The following PABIR3 variants were observed in gnomAD, a reference collection of about 807,000 sequenced individuals.
The protein encoded by PABIR3 is PABIR family member 1.
In PABIR3, 20 loss-of-function variants were observed where a neutral mutation model predicts 23.1. That is an observed-to-expected ratio of 0.86 (90% CI 0.61 to 1.26). The LOEUF is 1.26. Among genes scored for constraint, PABIR3 ranks in the 50% most tolerant of loss-of-function variants. The probability of loss-of-function intolerance (pLI) is 0.00; values close to 1 mark genes in which losing one functional copy is unlikely to be tolerated. For missense variants in PABIR3, 189 were observed against 195.4 expected (o/e 0.97, Z 0.20); for synonymous variants, 69 against 68.5 (o/e 1.01, Z -0.04).
chrX:134,819,085 C>T (rs192134854), intron 3 of PABIR3, among the ~76,000 whole-genome samples: 1,517 of 107,576 alleles, frequency 0.014, 31 homozygotes, highest in African/African-American at 0.048. Flanking sequence ...TACAGGCACG[C>T]GCCACCACAC....
At chrX:134,802,599 G>A (rs918224521), upstream of PABIR3, among the ~76,000 whole-genome samples, 2 of 112,390 alleles carry the variant, frequency 1.8e-5, no homozygotes, top group Non-Finnish European at 3.8e-5. Flanking sequence ...CAGGAGGTCT[G>A]GCTGTTTTTG....
the PABIR3 span, among the ~76,000 whole-genome samples, chrX:134,863,273 A>T: frequency 8.9e-6 from 1 of 112,143 alleles, no homozygotes; most frequent in African/African-American, 3.2e-5. Flanking sequence ...AAAAATAATA[A>T]TGAAAAAATT....
At chrX:134,827,163 G>A (rs1175206045) in intron 3 of PABIR3, among the ~76,000 whole-genome samples, 4 of 110,879 alleles carry the variant, frequency 3.6e-5, no homozygotes, top group Non-Finnish European at 7.6e-5. Context: ...GTTTCACTAT[G>A]TTGGCCAGGC....
intron 1 of PABIR3, among the ~76,000 whole-genome samples, chrX:134,797,795 G>A (rs1162065189): frequency 1.9e-5 from 2 of 108,053 alleles, no homozygotes; most frequent in African/African-American, 6.9e-5. Flanking sequence ...ATGCCTCAGC[G>A]TGGGTGAGAT....
At chrX:134,798,061 T>G (rs1013045816) in intron 1 of PABIR3, among the ~76,000 whole-genome samples, 3 of 111,884 alleles carry the variant, frequency 2.7e-5, no homozygotes, top group African/African-American at 9.8e-5. Context: ...CCTCAGGTGA[T>G]CCACCCGCCT....
intron 4 of PABIR3, among the ~76,000 whole-genome samples, chrX:134,830,082 A>G (rs2081699241): frequency 9.0e-6 from 1 of 111,189 alleles, no homozygotes; most frequent in Admixed American, 9.7e-5. Context: ...AAATTTAGCA[A>G]TTTACCCAAT....
chrX:134,821,362 C>T (rs2081287832), intron 3 of PABIR3: 1 of 1,153,536 alleles, frequency 8.7e-7, no homozygotes, highest in African/African-American at 1.8e-5. Context: ...AACAGAAGCC[C>T]AAAGACCTCT....
At chrX:134,811,712 C>T (rs758866392) in intron 2 of PABIR3, among the ~76,000 whole-genome samples, 128 of 111,815 alleles carry the variant, frequency 1.1e-3, no homozygotes, top group African/African-American at 3.8e-3. Context: ...GGATTACAGG[C>T]GTGAGCCACC....
chrX:134,806,474 G>C (rs2080237320), upstream of PABIR3, among the ~76,000 whole-genome samples: 1 of 110,331 alleles, frequency 9.1e-6, no homozygotes, highest in Admixed American at 9.7e-5. Flanking sequence ...AAATTAACCA[G>C]GCGTGGTGGC....
intron 2 of PABIR3, 110 bp from the exon 3 acceptor site, chrX:134,814,661 T>C: frequency 1.9e-6 from 1 of 514,715 alleles, no homozygotes; most frequent in Non-Finnish European, 3.0e-6. Context: ...ATCGTGCCAC[T>C]GCACTCCAGC....
At chrX:134,819,593 G>C (rs1247269830) in intron 3 of PABIR3, among the ~76,000 whole-genome samples, 1 of 111,502 alleles carries the variant, frequency 9.0e-6, no homozygotes, top group East Asian at 2.8e-4. Context: ...AATTAGAAGA[G>C]ACTTAAACAG....
At chrX:134,849,887 T>TTTTTTTTTTTTTTTTTTG (rs1556344204) in intron 9 of PABIR3, among the ~76,000 whole-genome samples, 1 of 90,295 alleles carries the variant, frequency 1.1e-5, no homozygotes, top group African/African-American at 4.2e-5. Context: ...TTTTTTTTTT[T>TTTTTTTTTTTTTTTTTTG]CTTGAGACAG....
At chrX:134,829,196 C>G in intron 3 of PABIR3, 30 bp from the exon 4 acceptor site, 1 of 1,157,884 alleles carries the variant, frequency 8.6e-7, no homozygotes. Context: ...AACATTAAAG[C>G]AAGCTTGACT....
chrX:134,799,516 C>T (rs975063046), intron 1 of PABIR3, among the ~76,000 whole-genome samples: 3 of 112,598 alleles, frequency 2.7e-5, no homozygotes, highest in African/African-American at 9.7e-5. Flanking sequence ...AAATTCCTTT[C>T]ATAACTTCTC....
At chrX:134,818,480 G>A (rs1480640861) in intron 3 of PABIR3, among the ~76,000 whole-genome samples, 1 of 111,781 alleles carries the variant, frequency 8.9e-6, no homozygotes, top group Non-Finnish European at 1.9e-5. Context: ...AGGAAAAGTA[G>A]TAAGTCATAT....
chrX:134,836,314 A>C (rs1251612791), intron 4 of PABIR3, among the ~76,000 whole-genome samples: 1 of 112,554 alleles, frequency 8.9e-6, no homozygotes, highest in East Asian at 2.8e-4. Flanking sequence ...ATCCGAATGC[A>C]TTCAGTCTGT....
Position 134,847,898 on chromosome X carries a change from T to C in PABIR3, c.454T>C (p.Ser152Pro). The C allele has an allele frequency of 8.7e-7, 1 of 1,155,195 alleles. No individual in the cohort carries two copies. The highest frequency in any genetic ancestry group is 1.1e-6 in the Non-Finnish European group (1 of 872,356). The change falls in exon 8 of 11, where the codon TCA (serine) becomes CCA (proline). Residue 152 changes from serine to proline, a missense_variant. Transcript: ENST00000645433. ...KKTGKQCFSPSLQTCVSCTGS... is the reference protein window; with the variant it reads ...KKTGKQCFSPPLQTCVSCTGS... ...TTGATTTTAGCAGTGTTTCTCTCCA[T>C]CATTACAAACTTGTGTGAGTTGCAC...
intron 3 of PABIR3, among the ~76,000 whole-genome samples, chrX:134,816,354 T>C (rs1338858136): frequency 8.9e-6 from 1 of 112,054 alleles, no homozygotes; most frequent in Non-Finnish European, 1.9e-5. Context: ...GGAGTTTTGC[T>C]CTTTTTGCCC....
At chrX:134,816,798 TTTCTC>T (rs1717615795) in intron 3 of PABIR3, among the ~76,000 whole-genome samples, 2 of 112,635 alleles carry the variant, frequency 1.8e-5, no homozygotes, top group Admixed American at 1.9e-4. Flanking sequence ...GTATTATAGA[TTTCTC>T]TTATAATATG....
Sources: allele counts gnomAD v4.1 joint callset (sites outside exome capture counted in the v4.1 genomes callset), GRCh38; gene constraint gnomAD v4.1.1; transcripts MANE v1.5; gene names NCBI Gene and HGNC (gene_info 2026-07-23, HGNC 2026-07-21).